The following MAGI2 variants were observed in gnomAD, a reference collection of about 807,000 sequenced individuals.
MAGI2 encodes the protein membrane-associated guanylate kinase, WW and PDZ domain-containing protein 2.
Under a neutral mutation model 133.3 loss-of-function variants are expected in MAGI2, and 35 were observed. That is an observed-to-expected ratio of 0.26 (90% CI 0.20 to 0.35). MAGI2 has a LOEUF of 0.35. Ranked by LOEUF, MAGI2 falls within the 10% of genes least tolerant of loss-of-function variation. MAGI2 has a pLI of 1.00. For synonymous variants in MAGI2, 729 were observed against 710.6 expected (o/e 1.03, Z -0.41); for missense variants, 1,636 against 1,863.4 (o/e 0.88, Z 2.25).
At chr7:78,695,439 G>A (rs956388179) in intron 2 of MAGI2, among the ~76,000 whole-genome samples, 2 of 152,076 alleles carry the variant, frequency 1.3e-5, no homozygotes, top group African/African-American at 2.4e-5. Context: ...CAGAGCAAGT[G>A]TATTCCTCCT....
At chr7:78,411,135 T>G (rs1797836047) in intron 6 of MAGI2, among the ~76,000 whole-genome samples, 1 of 152,080 alleles carries the variant, frequency 6.6e-6, no homozygotes, top group African/African-American at 2.4e-5. Context: ...GAATTTGTTT[T>G]TCTTTTAAGT....
At chr7:78,146,649 C>T (rs1282670267) in intron 16 of MAGI2, among the ~76,000 whole-genome samples, 3 of 152,160 alleles carry the variant, frequency 2.0e-5, no homozygotes, top group Non-Finnish European at 4.4e-5. Flanking sequence ...CTTTCTTTCT[C>T]TCCTCTGTGT....
At chr7:78,020,171 G>GC (rs1278487188) in intron 21 of MAGI2, among the ~76,000 whole-genome samples, 195 bp from the exon 22 acceptor site, 5 of 140,070 alleles carry the variant, frequency 3.6e-5, no homozygotes, top group African/African-American at 1.3e-4. Context: ...GGTTCCCTCC[G>GC]CCCCGCTTAG....
intron 20 of MAGI2, among the ~76,000 whole-genome samples, chr7:78,094,998 A>G (rs1817570360): frequency 6.6e-6 from 1 of 152,118 alleles, no homozygotes; most frequent in Non-Finnish European, 1.5e-5. Flanking sequence ...GTAGCAGGGT[A>G]TGTATGAGGG....
intron 2 of MAGI2, among the ~76,000 whole-genome samples, chr7:78,879,266 G>A (rs1795662680): frequency 6.6e-6 from 1 of 152,206 alleles, no homozygotes; most frequent in Non-Finnish European, 1.5e-5. Context: ...TGAGCAAGGA[G>A]ATCAGAGCTA....
At chr7:78,208,709 G>A (rs1209019107) in intron 10 of MAGI2, among the ~76,000 whole-genome samples, 1 of 134,560 alleles carries the variant, frequency 7.4e-6, no homozygotes, top group African/African-American at 2.8e-5. Flanking sequence ...TTTTTTTTTG[G>A]GAAATCCATC....
At chr7:79,321,077 G>C (rs1209669127) in intron 1 of MAGI2, among the ~76,000 whole-genome samples, 1 of 152,026 alleles carries the variant, frequency 6.6e-6, no homozygotes, top group Non-Finnish European at 1.5e-5. Context: ...GACATAATTT[G>C]GATAACAATA....
chr7:78,588,249 G>C (rs550982354), intron 3 of MAGI2, among the ~76,000 whole-genome samples: 2 of 152,000 alleles, frequency 1.3e-5, no homozygotes, highest in Non-Finnish European at 2.9e-5. Context: ...CTCAATTATC[G>C]TATTTCTTCC....
At chr7:78,363,551 T>G (rs1793071676) in intron 7 of MAGI2, among the ~76,000 whole-genome samples, 1 of 129,074 alleles carries the variant, frequency 7.7e-6, no homozygotes, top group Non-Finnish European at 1.6e-5. Flanking sequence ...GAAACACTGT[T>G]TTTATTCATT....
chr7:78,945,543 A>G (rs772146499), intron 2 of MAGI2, among the ~76,000 whole-genome samples: 18 of 152,226 alleles, frequency 1.2e-4, no homozygotes, highest in Non-Finnish European at 2.9e-5. Context: ...TCAAGAATAC[A>G]ATATAACATC....
chr7:78,555,115 CAGA>C (rs1799674362), intron 3 of MAGI2, among the ~76,000 whole-genome samples: 1 of 150,876 alleles, frequency 6.6e-6, no homozygotes, highest in Non-Finnish European at 1.5e-5. Flanking sequence ...GTCTAGGTGA[CAGA>C]GTGAGGCACT....
At chr7:78,320,202 G>T (rs1165276010) in intron 9 of MAGI2, among the ~76,000 whole-genome samples, 1 of 152,146 alleles carries the variant, frequency 6.6e-6, no homozygotes, top group South Asian at 2.1e-4. Flanking sequence ...ACAAAGAGGA[G>T]CTGGTACCAT....
intron 21 of MAGI2, among the ~76,000 whole-genome samples, chr7:78,055,674 G>A (rs1418552405): frequency 1.3e-5 from 2 of 152,002 alleles, no homozygotes; most frequent in African/African-American, 2.4e-5. Context: ...ATCAATCAGG[G>A]GCAGGACCCA....
intron 1 of MAGI2, among the ~76,000 whole-genome samples, chr7:79,325,348 T>C (rs895352109): frequency 2.6e-5 from 4 of 152,132 alleles, no homozygotes; most frequent in African/African-American, 9.7e-5. Context: ...TTTCTGAAAT[T>C]TCTATAGAAA....
At chr7:79,027,783 T>C (rs9692405) in intron 1 of MAGI2, among the ~76,000 whole-genome samples, 88,799 of 151,906 alleles carry the variant, frequency 0.58, 26,305 homozygotes, top group East Asian at 0.63. Flanking sequence ...TTGTAATCTA[T>C]AAATGTATAG....
intron 2 of MAGI2, among the ~76,000 whole-genome samples, chr7:78,965,574 TCTC>T (rs1286143256): frequency 1.3e-5 from 2 of 151,994 alleles, no homozygotes; most frequent in Non-Finnish European, 2.9e-5. Flanking sequence ...ACTTAGCTGT[TCTC>T]CTAGGAAATC....
At chr7:79,188,357 ATAAGT>A (rs1827348693) in intron 1 of MAGI2, among the ~76,000 whole-genome samples, 1 of 151,770 alleles carries the variant, frequency 6.6e-6, no homozygotes, top group African/African-American at 2.4e-5. Flanking sequence ...GCTCCCACTT[ATAAGT>A]GAGAACATGT....
At chr7:78,692,835 C>T (rs916903893) in intron 2 of MAGI2, among the ~76,000 whole-genome samples, 1 of 152,142 alleles carries the variant, frequency 6.6e-6, no homozygotes, top group East Asian at 1.9e-4. Context: ...CCAGTGCATA[C>T]TGGAATGCAT....
At chr7:79,039,291 A>AGCTATGCAG (rs1811402761) in intron 1 of MAGI2, among the ~76,000 whole-genome samples, 1 of 152,182 alleles carries the variant, frequency 6.6e-6, no homozygotes, top group Admixed American at 6.6e-5. Context: ...AGGTGTCCCC[A>AGCTATGCAG]GCTATGCAGA....
Sources: allele counts gnomAD v4.1 joint callset (sites outside exome capture counted in the v4.1 genomes callset), GRCh38; gene constraint gnomAD v4.1.1; transcripts MANE v1.5; gene names NCBI Gene and HGNC (gene_info 2026-07-23, HGNC 2026-07-21).